Variants in SPP2 observed in about 807,000 individuals in gnomAD.
SPP2 encodes secreted phosphoprotein 2.
A neutral mutation model predicts 28.8 loss-of-function variants in SPP2; 34 were observed. The ratio of observed to expected loss-of-function variants is 1.18; its 90% CI spans 0.90 to 1.57. The LOEUF (loss-of-function observed/expected upper bound fraction) is 1.57, where lower values mean the gene tolerates loss of function less well. SPP2 is among the 40% of genes most tolerant of loss of function. SPP2 has a pLI of 0.00. For synonymous variants in SPP2, 96 were observed against 89.4 expected (o/e 1.07, Z -0.42); for missense variants, 269 against 263.9 (o/e 1.02, Z -0.13).
intron 2 of SPP2, among the ~76,000 whole-genome samples, chr2:234,052,940 T>C (rs1200828780): frequency 6.6e-6 from 1 of 152,202 alleles, no homozygotes; most frequent in African/African-American, 2.4e-5. Flanking sequence ...GCTCCAAATA[T>C]ACCAATTCTC....
intron 4 of SPP2, among the ~76,000 whole-genome samples, chr2:234,066,004 T>G (rs1408615169): frequency 6.6e-6 from 1 of 152,196 alleles, no homozygotes; most frequent in African/African-American, 2.4e-5. Flanking sequence ...GTCCAACTAC[T>G]GTGATGGAGG....
chr2:234,051,855 G>C (rs1188883956), intron 2 of SPP2, among the ~76,000 whole-genome samples: 1 of 152,118 alleles, frequency 6.6e-6, no homozygotes, highest in Non-Finnish European at 1.5e-5. Flanking sequence ...ATGAAGACAC[G>C]GCTGAAGGTC....
At chr2:234,071,642 GC>G (rs761266639) in intron 7 of SPP2, among the ~76,000 whole-genome samples, 1 of 152,176 alleles carries the variant, frequency 6.6e-6, no homozygotes, top group Non-Finnish European at 1.5e-5. Context: ...TTTACAGTCT[GC>G]ATAACACTGC....
At chr2:234,060,520 A>G in intron 4 of SPP2, 41 bp downstream of exon 4, 2 of 1,514,282 alleles carry the variant, frequency 1.3e-6, no homozygotes, top group Middle Eastern at 1.8e-4. Context: ...CGCACCTCTT[A>G]GGGTCTGTGT....
intron 4 of SPP2, among the ~76,000 whole-genome samples, chr2:234,063,329 G>T (rs1009444272): frequency 6.6e-6 from 1 of 151,942 alleles, no homozygotes; most frequent in Non-Finnish European, 1.5e-5. Context: ...GAATGTAGAA[G>T]AATTTCCAGA....
At chr2:234,073,205 G>C (rs1344272625) in intron 7 of SPP2, among the ~76,000 whole-genome samples, 1 of 152,104 alleles carries the variant, frequency 6.6e-6, no homozygotes, top group Non-Finnish European at 1.5e-5. Context: ...AACTTCTTGA[G>C]GATGCATTCT....
chr2:234,073,074 G>T (rs1365127485), intron 7 of SPP2, among the ~76,000 whole-genome samples: 1 of 152,110 alleles, frequency 6.6e-6, no homozygotes, highest in Admixed American at 6.5e-5. Context: ...TTTTAGTAGA[G>T]ATGGGGTTTC....
intron 7 of SPP2, among the ~76,000 whole-genome samples, chr2:234,074,558 T>C (rs1019846094): frequency 6.6e-6 from 1 of 152,222 alleles, no homozygotes; most frequent in East Asian, 1.9e-4. Flanking sequence ...TGTATTCATT[T>C]ACACTTACTC....
chr2:234,068,850 A>G (rs147126094), intron 6 of SPP2, among the ~76,000 whole-genome samples: 3 of 152,134 alleles, frequency 2.0e-5, no homozygotes, highest in Admixed American at 1.3e-4. Flanking sequence ...ATTGCTATAT[A>G]TCAAATTACC....
chr2:234,050,883 A>C lies in SPP2; in HGVS notation c.85+12A>C, dbSNP rs1170790382. The C allele has an allele frequency of 6.2e-7, 1 of 1,614,044 alleles. No individual in the cohort carries two copies. Among genetic ancestry groups the C allele is most frequent in the Non-Finnish European group, 8.5e-7 (1 of 1,179,914 alleles). ...CTGGTCTTGCTCAGGTAAGGTATTC[A>C]CCAACCTGGCCACCTGCTCTGGATC... is the stretch of plus-strand genomic sequence containing the variant. On this transcript the variant is annotated intron_variant, in intron 1 of 7. Coordinates refer to ENST00000168148, the MANE Select transcript of SPP2 (RefSeq NM_006944.3).
chr2:234,051,425 G>A (rs1217655121), intron 2 of SPP2, among the ~76,000 whole-genome samples: 2 of 152,140 alleles, frequency 1.3e-5, no homozygotes, highest in East Asian at 1.9e-4. Context: ...TATTGGAAAT[G>A]AGCCTCCTTT....
Position 234,060,484 on chromosome 2 carries a change from G to A in SPP2, c.444+5G>A. Reference sequence around the variant, plus strand: ...GAGTCTTACAGCAGCGAAGAGGTATGACTGGGGCCTTGTCTCCTCCCAGAC... The same window carrying A: ...GAGTCTTACAGCAGCGAAGAGGTATAACTGGGGCCTTGTCTCCTCCCAGAC... On this transcript the variant is annotated splice_donor_5th_base_variant and intron_variant, in intron 4 of 7. Coordinates refer to ENST00000168148, the MANE Select transcript of SPP2 (RefSeq NM_006944.3). 1 of 1,610,830 alleles carries A rather than the reference G, an allele frequency of 6.2e-7. No homozygotes were observed. Among genetic ancestry groups the A allele is most frequent in the South Asian group, 1.1e-5 (1 of 90,878 alleles).
chr2:234,066,078 C>T (rs762148747), intron 4 of SPP2, among the ~76,000 whole-genome samples: 2 of 152,200 alleles, frequency 1.3e-5, no homozygotes, highest in African/African-American at 2.4e-5. Flanking sequence ...GGTAGAAAGA[C>T]TGCGAGCCAA....
chr2:234,074,944 A>G (rs572869324), intron 7 of SPP2, among the ~76,000 whole-genome samples: 17 of 151,080 alleles, frequency 1.1e-4, no homozygotes, highest in African/African-American at 4.1e-4. Flanking sequence ...ACTTGACAGC[A>G]CTATACTTTG....
rs767366023 is a variant in SPP2, at chr2:234,058,837, T to A, written c.212T>A (p.Val71Asp). 2 of 1,612,746 alleles carry A rather than the reference T, an allele frequency of 1.2e-6. No individual in the cohort carries two copies. Among genetic ancestry groups the A allele is most frequent in the African/African-American group, 2.7e-5 (2 of 74,878 alleles). Residue 71 changes from valine to aspartate, a missense_variant and splice_region_variant, in exon 3 of 8, where the codon GTT becomes GAT. By Grantham distance (152) the Val-to-Asp change is radical. Transcript: ENST00000168148. ...CTCTGAAACTTTATTTTTGTGAAGGTTGAGGTCCTAGATGAGAACAACTTG... is the reference window on the plus strand; with the variant it reads ...CTCTGAAACTTTATTTTTGTGAAGGATGAGGTCCTAGATGAGAACAACTTG... ...FRAFRSSLKR[V>D]EVLDENNLVM...
chr2:234,064,548 C>T (rs1693780572), intron 4 of SPP2, among the ~76,000 whole-genome samples: 2 of 152,036 alleles, frequency 1.3e-5, no homozygotes, highest in Admixed American at 1.3e-4. Flanking sequence ...TGATACCCCC[C>T]TTTAAAAATA....
chr2:234,063,550 T>C (rs1298727050), intron 4 of SPP2, among the ~76,000 whole-genome samples: 1 of 152,244 alleles, frequency 6.6e-6, no homozygotes, highest in African/African-American at 2.4e-5. Flanking sequence ...AATATTCTCC[T>C]ATAGTTAACT....
intron 4 of SPP2, among the ~76,000 whole-genome samples, chr2:234,060,882 T>G (rs529523098): frequency 6.6e-6 from 1 of 152,306 alleles, no homozygotes; most frequent in Admixed American, 6.5e-5. Flanking sequence ...TCGCTGGCAC[T>G]GTGGTTTAGT....
chr2:234,069,978 C>A lies in SPP2; in HGVS notation c.601C>A (p.Arg201=). Residue 201 remains arginine (R), a synonymous_variant, in exon 7 of 8, where the codon CGG becomes AGG. Transcript: ENST00000168148. ...TGGAAACAGAAGGTACCCAAACCAC[C>A]GGCACAGAGCAAGAATAAATACTGA... is the stretch of plus-strand genomic sequence containing the variant. ...PPGNRRYPNH[R]HRARINTDFE The A allele has an allele frequency of 6.2e-7, 1 of 1,613,316 alleles. No homozygotes were observed. The highest frequency in any genetic ancestry group is 8.5e-7 in the Non-Finnish European group (1 of 1,179,508).
Sources: gnomAD v4.1 joint callset for allele counts (sites outside exome capture counted in the v4.1 genomes callset) on GRCh38, gnomAD v4.1.1 for gene constraint, MANE v1.5 for transcripts, NCBI Gene and HGNC (gene_info 2026-07-23, HGNC 2026-07-21) for gene names.